Variants in KCNMA1 observed in about 807,000 individuals in gnomAD.
KCNMA1 encodes potassium calcium-activated channel subfamily M alpha 1, also known as Calcium-activated potassium channel subunit alpha-1.
KCNMA1 carries 29 observed loss-of-function variants against 140.0 expected under a neutral mutation model. The observed-to-expected ratio is 0.21, with a 90% CI of 0.15 to 0.28. The LOEUF (loss-of-function observed/expected upper bound fraction) is 0.28, where lower values mean the gene tolerates loss of function less well. Ranked by LOEUF, KCNMA1 falls within the 10% of genes least tolerant of loss-of-function variation. The pLI, the probability that KCNMA1 is intolerant of heterozygous loss-of-function variation, is 1.00. For missense variants in KCNMA1, 880 were observed against 1,602.2 expected, an observed-to-expected ratio of 0.55 and a Z score of 7.70; for synonymous variants, 612 against 611.9, an observed-to-expected ratio of 1.00 and a Z score of 0.00.
At chr10:77,509,062 T>C (rs1288152148) in intron 1 of KCNMA1, among the ~76,000 whole-genome samples, 1 of 152,000 alleles carries the variant, frequency 6.6e-6, no homozygotes, top group Non-Finnish European at 1.5e-5. Flanking sequence ...TGATTCTACC[T>C]CTTGGTTACT....
At chr10:77,576,024 G>A (rs2073960101) in intron 1 of KCNMA1, among the ~76,000 whole-genome samples, 1 of 152,250 alleles carries the variant, frequency 6.6e-6, no homozygotes. Context: ...CTCAGCCATG[G>A]ATTGGGGAGA....
chr10:77,085,652 C>A (rs1406908577), intron 11 of KCNMA1, among the ~76,000 whole-genome samples: 1 of 152,136 alleles, frequency 6.6e-6, no homozygotes, highest in Non-Finnish European at 1.5e-5. Flanking sequence ...TGGTATGTCA[C>A]AAATCATCTC....
At chr10:77,130,001 G>A (rs1452685929) in intron 5 of KCNMA1, among the ~76,000 whole-genome samples, 2 of 151,990 alleles carry the variant, frequency 1.3e-5, no homozygotes, top group African/African-American at 4.8e-5. Context: ...TTAAATTATT[G>A]CACATACATT....
chr10:77,356,687 G>A (rs1318575398), intron 2 of KCNMA1, among the ~76,000 whole-genome samples: 2 of 152,192 alleles, frequency 1.3e-5, no homozygotes, highest in East Asian at 1.9e-4. Flanking sequence ...ATATCATAGT[G>A]GATAGCTATT....
chr10:77,351,917 C>T (rs945090737), intron 2 of KCNMA1, among the ~76,000 whole-genome samples: 4 of 152,202 alleles, frequency 2.6e-5, no homozygotes, highest in Admixed American at 1.3e-4. Flanking sequence ...GGATTGTCCT[C>T]AAGTAGACTG....
At chr10:77,130,988 G>GTGAA (rs1188527929) in intron 5 of KCNMA1, among the ~76,000 whole-genome samples, 2 of 152,136 alleles carry the variant, frequency 1.3e-5, no homozygotes, top group African/African-American at 4.8e-5. Context: ...AGAGATCACA[G>GTGAA]TGAAGAAGAA....
At chr10:77,071,570 G>A (rs543807592) in intron 14 of KCNMA1, 1 of 152,308 alleles carries the variant, frequency 6.6e-6, no homozygotes, top group South Asian at 2.1e-4. Flanking sequence ...TCTAAACACA[G>A]CTACACAGAC....
intron 1 of KCNMA1, among the ~76,000 whole-genome samples, chr10:77,509,037 A>G (rs1237278303): frequency 6.6e-6 from 1 of 152,148 alleles, no homozygotes; most frequent in Non-Finnish European, 1.5e-5. Context: ...TGCCACATTG[A>G]ACGGACATTT....
chr10:77,629,154 G>C (rs1408302124), intron 1 of KCNMA1, among the ~76,000 whole-genome samples: 1 of 152,124 alleles, frequency 6.6e-6, no homozygotes, highest in African/African-American at 2.4e-5. Context: ...ATCCATTCTG[G>C]GCCTGGAGTG....
At chr10:77,265,748 T>C (rs2063251751) in intron 2 of KCNMA1, among the ~76,000 whole-genome samples, 1 of 151,918 alleles carries the variant, frequency 6.6e-6, no homozygotes, top group African/African-American at 2.4e-5. Context: ...CATGATGCCA[T>C]GGCTGCTAAA....
At position 77,606,549 on chromosome 10, in the gene KCNMA1, G is replaced by A. The variant is rs576720534; in HGVS notation, c.378+30716C>T. Among the ~76,000 whole-genome samples the A allele has an allele frequency of 3.3e-5, 5 of 152,304 alleles. No homozygotes were observed. In the East Asian group the frequency reaches 9.7e-4, roughly 29 times the overall value. ...CACTTGAGCTCAGGAGTTCAAGGCT[G>A]CAGTAAGTTATGACCATGCCACTGC... On this transcript the variant is annotated intron_variant, in intron 1 of 27. Coordinates refer to ENST00000286628, the MANE Select transcript of KCNMA1 (RefSeq NM_001161352.2).
chr10:76,967,939 T>C (rs2074575426), intron 20 of KCNMA1, among the ~76,000 whole-genome samples: 1 of 152,098 alleles, frequency 6.6e-6, no homozygotes, highest in Non-Finnish European at 1.5e-5. Flanking sequence ...TTCTCCCCCA[T>C]CATGCAAACT....
chr10:76,882,243 G>GAGAC (rs1352844362), downstream of KCNMA1, among the ~76,000 whole-genome samples: 1 of 152,326 alleles, frequency 6.6e-6, no homozygotes, highest in East Asian at 1.9e-4. Flanking sequence ...CAGAAAAGGG[G>GAGAC]AGACAATGAT....
intron 18 of KCNMA1, among the ~76,000 whole-genome samples, chr10:77,008,701 GTGAC>G (rs1422410927): frequency 2.6e-5 from 4 of 152,220 alleles, no homozygotes; most frequent in Non-Finnish European, 5.9e-5. Flanking sequence ...GTAAGGGCCA[GTGAC>G]TGTCATGAGC....
At chr10:77,447,892 A>G (rs1350574869) in intron 1 of KCNMA1, among the ~76,000 whole-genome samples, 1 of 152,220 alleles carries the variant, frequency 6.6e-6, no homozygotes, top group East Asian at 1.9e-4. Context: ...AAAAGGTTAT[A>G]ATTAGAGACG....
At chr10:77,345,146 T>C (rs1044776995) in intron 2 of KCNMA1, among the ~76,000 whole-genome samples, 5 of 152,192 alleles carry the variant, frequency 3.3e-5, no homozygotes, top group Non-Finnish European at 7.3e-5. Flanking sequence ...TATTTGTTGA[T>C]TGAATGAATA....
At position 77,041,340 on chromosome 10, in the gene KCNMA1, A is replaced by T. The variant is rs1288818959; in HGVS notation, c.1750-1703T>A. On this transcript the variant is annotated intron_variant, in intron 14 of 27. Transcript: ENST00000286628. The stretch of plus-strand genomic sequence containing the variant: ...CTACCACGCCCGGCTAATTTTTTGT[A>T]TTTTTAGTAGAGACGGGGTTTCACC... 3.7e-4 allele frequency among the ~76,000 whole-genome samples: 4 copies of T among 10,744 alleles called. 2 individuals carry two copies. The African/African-American group carries it at 5.8e-3, about 16-fold the overall frequency. The allele number at this position is 10,744 out of a possible 152,430, so 7.0% of individuals were successfully genotyped here. A position where few individuals can be genotyped will look rare whatever the true frequency, so the allele number is the denominator to read the frequency against.
Position 77,271,082 on chromosome 10 carries a change from T to C in KCNMA1, c.541-19826A>G, listed in dbSNP as rs72807510. Among the ~76,000 whole-genome samples the C allele has an allele frequency of 4.8e-3, 735 of 152,342 alleles. 3 individuals carry two copies. Among genetic ancestry groups the C allele is most frequent in the Non-Finnish European group, 8.6e-3 (584 of 68,022 alleles). ...AACAGTGTTTCATGTGTTGCAACAA[T>C]TGTTGCATCTTGTGAAAATTAGTCC... On this transcript the variant is annotated intron_variant, in intron 2 of 27. Transcript: ENST00000286628.
chr10:77,197,878 G>C (rs1416141354), intron 3 of KCNMA1, among the ~76,000 whole-genome samples: 1 of 152,114 alleles, frequency 6.6e-6, no homozygotes. Context: ...AGAGACACAG[G>C]CAGAAAAATG....
Sources: allele counts gnomAD v4.1 joint callset (sites outside exome capture counted in the v4.1 genomes callset), GRCh38; gene constraint gnomAD v4.1.1; transcripts MANE v1.5; gene names NCBI Gene and HGNC (gene_info 2026-07-23, HGNC 2026-07-21).